The following RBFOX1 variants were observed in gnomAD, a reference collection of about 807,000 sequenced individuals.
RBFOX1 encodes the protein RNA binding protein fox-1 homolog 1.
RBFOX1 carries 8 observed loss-of-function variants against 57.7 expected under a neutral mutation model. The observed-to-expected ratio is 0.14, with a 90% CI of 0.08 to 0.25. The LOEUF (loss-of-function observed/expected upper bound fraction) is 0.25, where lower values mean the gene tolerates loss of function less well. RBFOX1 is among the 10% of genes least tolerant of loss of function. The pLI, the probability that RBFOX1 is intolerant of heterozygous loss-of-function variation, is 1.00. For missense variants in RBFOX1, 611 were observed against 548.5 expected, an observed-to-expected ratio of 1.11 and a Z score of -1.14; for synonymous variants, 326 against 222.4, an observed-to-expected ratio of 1.47 and a Z score of -4.15.
chr16:6,168,392 T>A (rs973561863), intron 1 of RBFOX1, among the ~76,000 whole-genome samples: 1 of 152,158 alleles, frequency 6.6e-6, no homozygotes, highest in Non-Finnish European at 1.5e-5. Flanking sequence ...GGTCATGTCT[T>A]CCTTCTACGT....
chr16:6,450,802 T>C (rs1482670497), intron 2 of RBFOX1, among the ~76,000 whole-genome samples: 369 of 10,126 alleles, frequency 0.036, 19 homozygotes, highest in Admixed American at 0.075. Context: ...TATATATATG[T>C]ATATATATAT....
At chr16:5,626,420 CTAA>C (rs1471677050) in intron 3 of RBFOX1, among the ~76,000 whole-genome samples, 1 of 152,156 alleles carries the variant, frequency 6.6e-6, no homozygotes, top group Admixed American at 6.5e-5. Flanking sequence ...GGGACTCACT[CTAA>C]TAACCTCACT....
chr16:7,098,120 T>C (rs1189967707), intron 4 of RBFOX1, among the ~76,000 whole-genome samples: 3 of 152,130 alleles, frequency 2.0e-5, no homozygotes, highest in Non-Finnish European at 4.4e-5. Flanking sequence ...AGGAACACAA[T>C]TAGTTAATGG....
chr16:7,101,285 C>T (rs572252433), intron 4 of RBFOX1, among the ~76,000 whole-genome samples: 1 of 152,092 alleles, frequency 6.6e-6, no homozygotes, highest in African/African-American at 2.4e-5. Flanking sequence ...TCGCCGCTAG[C>T]TTGGATGAAT....
In RBFOX1 at chr16:7,203,561, G is replaced by A. The variant is rs76537185; in HGVS notation, c.27+151463G>A. Reference sequence around the variant, plus strand: ...TTTATGTTGTATTTGTGTTACCACTGTGAGGAATTGGAAAATTATAGAGGT... The same window carrying A: ...TTTATGTTGTATTTGTGTTACCACTATGAGGAATTGGAAAATTATAGAGGT... On this transcript the variant is annotated intron_variant, in intron 4 of 15. Coordinates refer to ENST00000550418, the MANE Select transcript of RBFOX1 (RefSeq NM_018723.4). Among the ~76,000 whole-genome samples the A allele has an allele frequency of 5.5e-3, 833 of 152,326 alleles. 7 individuals are homozygous for A. Among genetic ancestry groups the A allele is most frequent in the African/African-American group, 0.019 (777 of 41,580 alleles).
intron 2 of RBFOX1, among the ~76,000 whole-genome samples, chr16:6,382,406 A>G (rs901481776): frequency 3.9e-5 from 6 of 152,218 alleles, no homozygotes; most frequent in African/African-American, 1.4e-4. Context: ...GGGTAAAGGA[A>G]TGGTACTGAG....
At chr16:6,137,986 C>G (rs1001262612) in intron 1 of RBFOX1, among the ~76,000 whole-genome samples, 1 of 152,072 alleles carries the variant, frequency 6.6e-6, no homozygotes, top group Non-Finnish European at 1.5e-5. Context: ...TGTTAAGTAC[C>G]TTTTCCATCA....
chr16:7,027,349 A>G (rs1568430923), intron 3 of RBFOX1, among the ~76,000 whole-genome samples: 2 of 152,304 alleles, frequency 1.3e-5, no homozygotes, highest in South Asian at 4.1e-4. Flanking sequence ...TGTGCCAGGA[A>G]CTGCTTAAAG....
intron 2 of RBFOX1, among the ~76,000 whole-genome samples, chr16:6,590,219 C>G (rs2097691196): frequency 6.6e-6 from 1 of 152,150 alleles, no homozygotes; most frequent in African/African-American, 2.4e-5. Context: ...AGAGCTATTA[C>G]TTTTCTTTGA....
At chr16:6,285,547 C>A (rs1035784378) in intron 1 of RBFOX1, among the ~76,000 whole-genome samples, 1 of 152,170 alleles carries the variant, frequency 6.6e-6, no homozygotes, top group African/African-American at 2.4e-5. Flanking sequence ...CAAGGAGAGA[C>A]GTGGCTGTTT....
chr16:7,293,010 G>T (rs1182203860), intron 4 of RBFOX1, among the ~76,000 whole-genome samples: 1 of 152,106 alleles, frequency 6.6e-6, no homozygotes, highest in African/African-American at 2.4e-5. Flanking sequence ...GGAAAAGGAA[G>T]TAAGGCAGAG....
chr16:6,112,527 C>T (rs2152575665), intron 1 of RBFOX1, among the ~76,000 whole-genome samples: 1 of 152,222 alleles, frequency 6.6e-6, no homozygotes, highest in African/African-American at 2.4e-5. Flanking sequence ...CCCGTCTCTA[C>T]TAAAAATACA....
chr16:6,194,692 G>A (rs1365657396), intron 1 of RBFOX1, among the ~76,000 whole-genome samples: 1 of 152,128 alleles, frequency 6.6e-6, no homozygotes, highest in Admixed American at 6.5e-5. Flanking sequence ...TTCTGGGTTA[G>A]GGTTTCTTAC....
At chr16:7,188,765 G>C (rs975164560) in intron 4 of RBFOX1, among the ~76,000 whole-genome samples, 41 of 152,182 alleles carry the variant, frequency 2.7e-4, no homozygotes, top group Non-Finnish European at 1.5e-5. Flanking sequence ...ATTGTCAAAA[G>C]TAAGACCGCA....
intron 3 of RBFOX1, among the ~76,000 whole-genome samples, chr16:6,891,826 T>C (rs568418691): frequency 6.6e-6 from 1 of 152,302 alleles, no homozygotes; most frequent in East Asian, 1.9e-4. Flanking sequence ...TAATGTAGGG[T>C]TGGCATATGA....
chr16:6,072,488 C>T (rs1054472853), intron 1 of RBFOX1, among the ~76,000 whole-genome samples: 1 of 152,114 alleles, frequency 6.6e-6, no homozygotes, highest in Non-Finnish European at 1.5e-5. Context: ...TGCTGGATCA[C>T]CTGGTAATCA....
chr16:5,606,104 C>G (rs1055350658), intron 3 of RBFOX1, among the ~76,000 whole-genome samples: 4 of 152,208 alleles, frequency 2.6e-5, no homozygotes, highest in Non-Finnish European at 5.9e-5. Context: ...AGTTCACTTG[C>G]TGAACCATGG....
chr16:7,249,047 G>A (rs1264755240), intron 4 of RBFOX1, among the ~76,000 whole-genome samples: 1 of 152,066 alleles, frequency 6.6e-6, no homozygotes, highest in Non-Finnish European at 1.5e-5. Flanking sequence ...GCATAATAGA[G>A]GGAGGGAAAA....
intron 2 of RBFOX1, among the ~76,000 whole-genome samples, chr16:6,488,301 G>A (rs113133152): frequency 6.6e-6 from 1 of 152,168 alleles, no homozygotes. Flanking sequence ...AGTACTAGTT[G>A]GATTTATTGT....
Sources: gnomAD v4.1 joint callset for allele counts (sites outside exome capture counted in the v4.1 genomes callset) on GRCh38, gnomAD v4.1.1 for gene constraint, MANE v1.5 for transcripts, NCBI Gene and HGNC (gene_info 2026-07-23, HGNC 2026-07-21) for gene names.